Variants in SUMF1 observed in about 807,000 individuals in gnomAD.
The protein encoded by SUMF1 is formylglycine-generating enzyme.
A neutral mutation model predicts 47.6 loss-of-function variants in SUMF1; 48 were observed. The observed-to-expected ratio is 1.01, with a 90% CI of 0.80 to 1.28. The LOEUF is 1.28. Ranked by LOEUF, SUMF1 falls within the 50% of genes most tolerant of loss-of-function variation. The probability of loss-of-function intolerance (pLI) is 0.00; values close to 1 mark genes in which losing one functional copy is unlikely to be tolerated. For synonymous variants in SUMF1, 230 were observed against 192.1 expected, an observed-to-expected ratio of 1.20 and a Z score of -1.63; for missense variants, 571 against 485.4, an observed-to-expected ratio of 1.18 and a Z score of -1.66.
chr3:4,353,738 C>T (rs1699559306), intron 8 of SUMF1, among the ~76,000 whole-genome samples: 1 of 152,088 alleles, frequency 6.6e-6, no homozygotes, highest in African/African-American at 2.4e-5. Context: ...TCTCTGGGGT[C>T]TCCAGACCAC....
At chr3:4,117,431 G>C (rs946893902) in intron 8 of SUMF1, among the ~76,000 whole-genome samples, 1 of 152,058 alleles carries the variant, frequency 6.6e-6, no homozygotes, top group Admixed American at 6.5e-5. Flanking sequence ...TAATACTCAA[G>C]AAATCAGGTA....
At chr3:4,385,134 C>A (rs1700631405) in intron 7 of SUMF1, among the ~76,000 whole-genome samples, 1 of 152,130 alleles carries the variant, frequency 6.6e-6, no homozygotes, top group African/African-American at 2.4e-5. Flanking sequence ...GATCAGCCTG[C>A]CTTTGCCTCC....
intron 8 of SUMF1, among the ~76,000 whole-genome samples, chr3:4,245,634 C>T (rs141021792): frequency 8.2e-4 from 125 of 152,186 alleles, no homozygotes; most frequent in African/African-American, 2.9e-3. Flanking sequence ...GGGTCACCCA[C>T]CTGTATGAGG....
intron 8 of SUMF1, among the ~76,000 whole-genome samples, chr3:4,288,217 C>T (rs1397758803): frequency 6.6e-6 from 1 of 152,124 alleles, no homozygotes; most frequent in African/African-American, 2.4e-5. Flanking sequence ...TTCCTAATTT[C>T]TGTTAATACA....
chr3:4,175,236 G>C lies in SUMF1; in HGVS notation c.1015-106491C>G, dbSNP rs138581144. Among the ~76,000 whole-genome samples the C allele has an allele frequency of 4.4e-4, 67 of 152,254 alleles. No individual in the cohort carries two copies. In the East Asian group the frequency reaches 0.012, roughly 28 times the overall value. ...AATGGACAGACTGCCTCCTCAAGTG[G>C]GCCCCTGACCCCCGTGTAGCCTAAC... On this transcript the variant is annotated intron_variant and NMD_transcript_variant, in intron 8 of 12. Coordinates refer to the SUMF1 transcript ENST00000448413.
intron 8 of SUMF1, among the ~76,000 whole-genome samples, chr3:4,191,695 G>C (rs1695318609): frequency 6.6e-6 from 1 of 152,162 alleles, no homozygotes; most frequent in Admixed American, 6.5e-5. Context: ...AAGAGAGAAA[G>C]CAAGATGATT....
At chr3:4,280,815 GTGTGTGTGTGTGTGTGTGT>G (rs1697513287) in intron 8 of SUMF1, among the ~76,000 whole-genome samples, 1 of 1,192 alleles carries the variant, frequency 8.4e-4, no homozygotes, top group Non-Finnish European at 1.9e-3. Context: ...GGCATTCACC[GTGTGTGTGTGTGTGTGTGT>G]GTGTGTGTGT....
At chr3:4,087,344 C>T (rs1692693624) in intron 8 of SUMF1, among the ~76,000 whole-genome samples, 1 of 152,082 alleles carries the variant, frequency 6.6e-6, no homozygotes, top group Non-Finnish European at 1.5e-5. Context: ...TTCAATTACA[C>T]CTCAAAATAG....
intron 8 of SUMF1, among the ~76,000 whole-genome samples, chr3:4,236,810 T>C (rs1196624788): frequency 2.0e-5 from 3 of 152,114 alleles, no homozygotes; most frequent in Admixed American, 1.3e-4. Flanking sequence ...TTGTACATTC[T>C]ATGGGTTTTG....
chr3:4,372,883 T>A (rs564243538), intron 8 of SUMF1, among the ~76,000 whole-genome samples: 3 of 152,318 alleles, frequency 2.0e-5, no homozygotes, highest in African/African-American at 7.2e-5. Context: ...TTCCTAACCT[T>A]ACAGATATAA....
chr3:4,162,233 A>G (rs1694594255), intron 8 of SUMF1, among the ~76,000 whole-genome samples: 1 of 152,144 alleles, frequency 6.6e-6, no homozygotes, highest in Admixed American at 6.5e-5. Flanking sequence ...CAAGTGGAAG[A>G]AAGGAGTTTC....
chr3:4,174,387 C>A (rs1174986924), intron 8 of SUMF1, among the ~76,000 whole-genome samples: 1 of 150,504 alleles, frequency 6.6e-6, no homozygotes, highest in African/African-American at 2.4e-5. Context: ...ATTATGGTTA[C>A]CCAGTTTGGA....
chr3:4,139,020 G>A (rs756729238), intron 8 of SUMF1, among the ~76,000 whole-genome samples: 22 of 151,956 alleles, frequency 1.4e-4, no homozygotes, highest in African/African-American at 1.9e-4. Context: ...TCAACCATGC[G>A]GAAAGTATAT....
At chr3:4,166,024 G>A (rs1272966000) in intron 8 of SUMF1, among the ~76,000 whole-genome samples, 4 of 152,106 alleles carry the variant, frequency 2.6e-5, no homozygotes, top group Non-Finnish European at 5.9e-5. Context: ...TGCAGCAGCA[G>A]AAATGCTAGT....
intron 8 of SUMF1, among the ~76,000 whole-genome samples, chr3:4,241,675 G>A (rs1328765828): frequency 6.6e-6 from 1 of 152,194 alleles, no homozygotes; most frequent in African/African-American, 2.4e-5. Flanking sequence ...GCGTTGTCTG[G>A]GGTAAATACC....
At chr3:4,224,752 C>G (rs912557410) in intron 8 of SUMF1, among the ~76,000 whole-genome samples, 1 of 151,940 alleles carries the variant, frequency 6.6e-6, no homozygotes, top group Admixed American at 6.6e-5. Context: ...AAGGAAAGCT[C>G]TTTACATTAG....
chr3:4,382,342 A>ACACAC (rs759820021), intron 7 of SUMF1, among the ~76,000 whole-genome samples: 10 of 151,702 alleles, frequency 6.6e-5, no homozygotes, highest in Non-Finnish European at 1.2e-4. Context: ...ACATGCACAC[A>ACACAC]CACACACACA....
At chr3:4,391,998 T>C (rs1018157068) in intron 7 of SUMF1, among the ~76,000 whole-genome samples, 1 of 151,998 alleles carries the variant, frequency 6.6e-6, no homozygotes, top group Admixed American at 6.5e-5. Flanking sequence ...CTGGCTAATT[T>C]TTTATTTCTT....
chr3:4,174,653 G>A (rs986791534), intron 8 of SUMF1, among the ~76,000 whole-genome samples: 5 of 152,254 alleles, frequency 3.3e-5, no homozygotes, highest in Admixed American at 6.5e-5. Flanking sequence ...CATTTCCACT[G>A]AGGTACCTGG....
Sources: allele counts gnomAD v4.1 joint callset (sites outside exome capture counted in the v4.1 genomes callset), GRCh38; gene constraint gnomAD v4.1.1; transcripts MANE v1.5; gene names NCBI Gene and HGNC (gene_info 2026-07-23, HGNC 2026-07-21).